The following FGD6 variants were observed in gnomAD, a reference collection of about 807,000 sequenced individuals.
FGD6 encodes FYVE, RhoGEF and PH domain containing 6, also known as FYVE, RhoGEF and PH domain-containing protein 6.
Under a neutral mutation model 149.4 loss-of-function variants are expected in FGD6, and 90 were observed. The ratio of observed to expected loss-of-function variants is 0.60; its 90% confidence interval spans 0.51 to 0.72. The LOEUF is 0.72. Ranked by LOEUF, FGD6 falls within the 30% of genes least tolerant of loss-of-function variation. The pLI is 0.00. For synonymous variants in FGD6, 527 were observed against 584.0 expected, an observed-to-expected ratio of 0.90 and a Z score of 1.41; for missense variants, 1,437 against 1,684.8, an observed-to-expected ratio of 0.85 and a Z score of 2.57.
At chr12:95,162,574 T>C (rs886168357) in intron 3 of FGD6, among the ~76,000 whole-genome samples, 4 of 152,028 alleles carry the variant, frequency 2.6e-5, no homozygotes, top group Admixed American at 2.0e-4. Context: ...CTTCAAGAAG[T>C]GAACAATGGA....
At chr12:95,085,677 C>G (rs1037344629) in intron 19 of FGD6, 103 bp downstream of exon 19, 1 of 1,364,932 alleles carries the variant, frequency 7.3e-7, no homozygotes, top group Non-Finnish European at 9.8e-7. Context: ...AAAAGCAAAG[C>G]AAAAAATCTT....
chr12:95,101,681 C>CTTTTTTTTTTTTTTTTTTT (rs757955014), intron 14 of FGD6, among the ~76,000 whole-genome samples: 1 of 107,808 alleles, frequency 9.3e-6, no homozygotes, highest in Non-Finnish European at 1.8e-5. Flanking sequence ...TTTGAACTTT[C>CTTTTTTTTTTTTTTTTTTT]TTTTTTTTTT....
intron 5 of FGD6, among the ~76,000 whole-genome samples, chr12:95,142,965 A>T (rs1279226743): frequency 1.3e-5 from 2 of 152,210 alleles, no homozygotes; most frequent in African/African-American, 2.4e-5. Flanking sequence ...GGGGTAGGAG[A>T]TAAGTATTTG....
intron 5 of FGD6, among the ~76,000 whole-genome samples, chr12:95,146,334 C>G (rs1179797676): frequency 6.6e-6 from 1 of 152,000 alleles, no homozygotes; most frequent in Non-Finnish European, 1.5e-5. Flanking sequence ...TGTTAACAAC[C>G]AGGATAATTT....
intron 5 of FGD6, among the ~76,000 whole-genome samples, chr12:95,149,483 CAT>C (rs1300122293): frequency 2.3e-5 from 3 of 131,968 alleles, no homozygotes; most frequent in African/African-American, 5.6e-5. Flanking sequence ...GTATATATCA[CAT>C]ATATTATACA....
rs1305390858 is a variant in FGD6 at position 95,203,181 on chromosome 12, A to G, written c.2441+5662T>C. On this transcript the variant is annotated intron_variant, in intron 2 of 20. Transcript: ENST00000343958. ...TCAAATTTAAAATGGGGAGAAACAAAAACTTAGTACTTTCTTTCATCAGAG... is the reference window on the plus strand; with the variant it reads ...TCAAATTTAAAATGGGGAGAAACAAGAACTTAGTACTTTCTTTCATCAGAG... 5.3e-5 allele frequency among the ~76,000 whole-genome samples: 8 copies of G among 152,218 alleles called. No homozygotes were observed. In the East Asian group the frequency reaches 1.5e-3, roughly 29 times the overall value.
At chr12:95,098,195 C>T (rs1382606621) in intron 14 of FGD6, among the ~76,000 whole-genome samples, 1 of 152,152 alleles carries the variant, frequency 6.6e-6, no homozygotes, top group Non-Finnish European at 1.5e-5. Flanking sequence ...TCCCCTAAAG[C>T]TGTTCCTCTC....
At chr12:95,178,202 A>G (rs1325982216) in intron 2 of FGD6, among the ~76,000 whole-genome samples, 1 of 152,184 alleles carries the variant, frequency 6.6e-6, no homozygotes, top group Admixed American at 6.6e-5. Flanking sequence ...ACATGGCACG[A>G]CTTGTGAAAT....
intron 14 of FGD6, among the ~76,000 whole-genome samples, chr12:95,099,617 G>C (rs1286445315): frequency 6.6e-6 from 1 of 152,010 alleles, no homozygotes; most frequent in East Asian, 1.9e-4. Context: ...ATCCTATTGG[G>C]TTTTTTTCTG....
At chr12:95,146,332 A>G (rs1243139270) in intron 5 of FGD6, among the ~76,000 whole-genome samples, 2 of 152,244 alleles carry the variant, frequency 1.3e-5, no homozygotes, top group Non-Finnish European at 2.9e-5. Context: ...AATGTTAACA[A>G]CCAGGATAAT....
chr12:95,201,366 G>T (rs1565922725), intron 2 of FGD6, among the ~76,000 whole-genome samples: 1 of 151,994 alleles, frequency 6.6e-6, no homozygotes, highest in Non-Finnish European at 1.5e-5. Flanking sequence ...AGTCACAAAA[G>T]CCATTTATTT....
intron 2 of FGD6, among the ~76,000 whole-genome samples, chr12:95,205,870 G>A (rs183361237): frequency 1.0e-3 from 154 of 152,290 alleles, no homozygotes; most frequent in African/African-American, 3.5e-3. Flanking sequence ...CTAAACAAAA[G>A]TCTCCTTGGA....
Position 95,214,783 on chromosome 12 carries a change from T to C in FGD6, c.16+2442A>G, listed in dbSNP as rs140500793. On this transcript the variant is annotated intron_variant, in intron 1 of 20. Coordinates refer to ENST00000343958, the MANE Select transcript of FGD6 (RefSeq NM_018351.4). ...CAGCCAAAACGCAAAGCACAGACAA[T>C]GAAGACAGTGACCTGTACATGTTCA... Among the ~76,000 whole-genome samples the C allele has an allele frequency of 2.7e-3, 409 of 151,952 alleles. 1 individual carries two copies. The highest frequency in any genetic ancestry group is 7.5e-3 in the African/African-American group (309 of 41,434).
At chr12:95,135,203 T>C (rs183130522) in intron 7 of FGD6, among the ~76,000 whole-genome samples, 69 of 152,300 alleles carry the variant, frequency 4.5e-4, no homozygotes, top group African/African-American at 1.5e-3. Flanking sequence ...AGGAAATGCA[T>C]GGCCCCTAAA....
intron 8 of FGD6, chr12:95,126,253 GC>G: frequency 7.6e-7 from 1 of 1,308,268 alleles, no homozygotes; most frequent in Non-Finnish European, 1.1e-6. Flanking sequence ...ACCGCTGTGG[GC>G]AAGAAGGCTC....
In FGD6 at chr12:95,211,129, A is replaced by G. The variant is rs2056724514; in HGVS notation, c.155T>C (p.Ile52Thr). 1 of 1,614,126 alleles carries G rather than the reference A, an allele frequency of 6.2e-7. No individual in the cohort carries two copies. Among genetic ancestry groups the G allele is most frequent in the Admixed American group, 1.7e-5 (1 of 60,016 alleles). The change falls in exon 2 of 21, where the codon ATA becomes ACA. Residue 52 changes from isoleucine (I) to threonine (T), a missense_variant. By Grantham distance (89) the Ile-to-Thr change is moderately conservative. Transcript: ENST00000343958. The part of the protein sequence containing the change: ...PQSTKKMKPA[I>T]APKPKVLKTS... ...CTTCAGGACTTTTGGTTTTGGGGCT[A>G]TTGCTGGTTTCATTTTCTTTGTCGA...
intron 14 of FGD6, among the ~76,000 whole-genome samples, chr12:95,096,961 T>C (rs535277074): frequency 4.9e-4 from 74 of 152,284 alleles, no homozygotes; most frequent in Non-Finnish European, 9.3e-4. Context: ...GAGAGGCAGA[T>C]GGTAAATTTG....
chr12:95,144,578 G>C (rs1879951718), intron 5 of FGD6, among the ~76,000 whole-genome samples: 1 of 151,684 alleles, frequency 6.6e-6, no homozygotes, highest in South Asian at 2.1e-4. Flanking sequence ...TTTTAGTAGA[G>C]ACAGGGTTTC....
rs150793057 is a variant in FGD6 at position 95,149,416 on chromosome 12, A to G, written c.2685+3395T>C. Among the ~76,000 whole-genome samples the G allele has an allele frequency of 7.4e-3, 936 of 125,796 alleles. 16 individuals are homozygous for G. The highest frequency in any genetic ancestry group is 0.027 in the African/African-American group (887 of 33,400). 82.5% of individuals were successfully genotyped at this position (125,796 alleles called of 152,430 possible). On this transcript the variant is annotated intron_variant, in intron 5 of 20. Transcript: ENST00000343958. ...GCATATATTACATAATATATAGCAT[A>G]CTATATAATATATAGCATATATTAT...
Sources: gnomAD v4.1 joint callset for allele counts (sites outside exome capture counted in the v4.1 genomes callset) on GRCh38, gnomAD v4.1.1 for gene constraint, MANE v1.5 for transcripts, NCBI Gene and HGNC (gene_info 2026-07-23, HGNC 2026-07-21) for gene names.